The following ABCC5 variants were observed in gnomAD, a reference collection of about 807,000 sequenced individuals.
ABCC5 encodes the protein ATP binding cassette subfamily C member 5, also known as ATP-binding cassette sub-family C member 5.
A neutral mutation model predicts 160.9 loss-of-function variants in ABCC5; 61 were observed. The observed-to-expected ratio is 0.38, with a 90% CI of 0.31 to 0.47. The LOEUF (loss-of-function observed/expected upper bound fraction) is 0.47. ABCC5 is among the 20% of genes least tolerant of loss of function. ABCC5 has a pLI of 0.99. For missense variants in ABCC5, 1,308 were observed against 1,813.3 expected (o/e 0.72, Z 5.06); for synonymous variants, 666 against 700.6 (o/e 0.95, Z 0.78).
At chr3:183,975,657 T>A (rs921817028) in intron 10 of ABCC5, among the ~76,000 whole-genome samples, 1 of 152,020 alleles carries the variant, frequency 6.6e-6, no homozygotes, top group Admixed American at 6.6e-5. Flanking sequence ...ATACTTGTTA[T>A]CTTGTGCCAA....
chr3:183,953,669 G>T (rs1050796304), intron 17 of ABCC5, among the ~76,000 whole-genome samples: 4 of 152,186 alleles, frequency 2.6e-5, no homozygotes, highest in African/African-American at 9.7e-5. Flanking sequence ...GTGTGGGGTG[G>T]TTGGCAGGCA....
Position 183,949,920 on chromosome 3 carries a change from A to G in ABCC5, c.3099-39T>C. The G allele has an allele frequency of 6.2e-7, 1 of 1,614,020 alleles. No individual in the cohort carries two copies. The highest frequency in any genetic ancestry group is 8.5e-7 in the Non-Finnish European group (1 of 1,179,920). ...GAGCTCCGTGTCACAGCACCTACCCAGCAACTGAGGCTTCTCCGTGGCCCC... is the reference window on the plus strand; with the variant it reads ...GAGCTCCGTGTCACAGCACCTACCCGGCAACTGAGGCTTCTCCGTGGCCCC... On this transcript the variant is annotated intron_variant, in intron 21 of 29. Transcript: ENST00000334444. The surrounding 1 kb of genome is among the most constrained non-coding windows in gnomAD (Gnocchi z 4.2).
At chr3:183,946,064 G>A in intron 23 of ABCC5, 125 bp from the exon 24 acceptor site, 2 of 847,326 alleles carry the variant, frequency 2.4e-6, no homozygotes, top group South Asian at 1.4e-5. Context: ...TGGTCTTAGG[G>A]ACCTAGTCAT....
chr3:183,927,247 T>A, intron 28 of ABCC5, 83 bp downstream of exon 28: 1 of 1,373,788 alleles, frequency 7.3e-7, no homozygotes, highest in South Asian at 1.3e-5. Flanking sequence ...GAGCCAGGAA[T>A]ACCTTTGGAC....
intron 18 of ABCC5, 140 bp from the exon 19 acceptor site, chr3:183,952,143 T>TA: frequency 6.7e-5 from 28 of 415,546 alleles, no homozygotes; most frequent in Non-Finnish European, 8.6e-5. Flanking sequence ...TTTGTCCACC[T>TA]CTTTTTTTTT....
At chr3:184,016,234 T>C (rs1722181063) in intron 1 of ABCC5, among the ~76,000 whole-genome samples, 1 of 152,192 alleles carries the variant, frequency 6.6e-6, no homozygotes, top group African/African-American at 2.4e-5. Flanking sequence ...TGGTAGACAC[T>C]GCTAAACTAT....
rs763961658 is a variant in ABCC5, at chr3:183,961,537, A to T, written c.2353T>A (p.Leu785Met). The change falls in exon 16 of 30, where the codon TTG becomes ATG. Residue 785 changes from leucine (L) to methionine (M), a missense_variant. Physicochemically the swap from Leu to Met is conservative, Grantham distance 15. This residue lies in a region of ABCC5 where 1,142 missense variants were observed against 1,527.1 expected (regional missense o/e 0.75). Coordinates refer to ENST00000334444, the MANE Select transcript of ABCC5 (RefSeq NM_005688.4). ...TCAACTGGCGGTGTCTCTCCCAGCA[A>T]CAGGTTATTAAAAATGGTAGCATAG... is the stretch of plus-strand genomic sequence containing the variant. ...GDYATIFNNL[L>M]LGETPPVEIN... 2 of 1,614,206 alleles carry T rather than the reference A, an allele frequency of 1.2e-6. No homozygotes were observed. The highest frequency in any genetic ancestry group is 2.2e-5 in the South Asian group (2 of 91,082).
rs182101563 is a variant in ABCC5 at position 183,927,649 on chromosome 3, G to A, written c.3934-206C>T. 2.3e-5 allele frequency: 23 copies of A among 985,426 alleles called. No homozygotes were observed. In the East Asian group the frequency reaches 1.4e-3, roughly 58 times the overall value. The allele number at this position is 985,426 out of a possible 1,614,324, so 61.0% of individuals were successfully genotyped here. ...GTCCCTGATTCCAATAGACTATTCT[G>A]TTAGCTTTATACCATTAAAACATCC... On this transcript the variant is annotated intron_variant, in intron 27 of 29. Coordinates refer to ENST00000334444, the MANE Select transcript of ABCC5 (RefSeq NM_005688.4).
At chr3:183,940,724 T>C (rs578111894) in intron 25 of ABCC5, among the ~76,000 whole-genome samples, 92 of 152,250 alleles carry the variant, frequency 6.0e-4, no homozygotes, top group African/African-American at 2.2e-3. Flanking sequence ...ACTGATGGAA[T>C]GTGCTGGTAA....
chr3:183,934,706 G>A lies in ABCC5; in HGVS notation c.3854+3195C>T, dbSNP rs370564826. Among the ~76,000 whole-genome samples the A allele has an allele frequency of 3.9e-5, 6 of 152,218 alleles. 1 individual carries two copies. The highest frequency in any genetic ancestry group is 1.4e-4 in the African/African-American group (6 of 41,524). Reference sequence around the variant, plus strand: ...TTATATAATTTAAAAAAGCAGAGACGACGTCTCACGATGTTGCCCAGGGTG... The same window carrying A: ...TTATATAATTTAAAAAAGCAGAGACAACGTCTCACGATGTTGCCCAGGGTG... On this transcript the variant is annotated intron_variant, in intron 26 of 29. Transcript: ENST00000334444.
In ABCC5 at chr3:183,945,906, C is replaced by T. The variant is rs755404743; in HGVS notation, c.3448G>A (p.Ala1150Thr). The T allele has an allele frequency of 5.0e-6, 8 of 1,614,118 alleles. No homozygotes were observed. Among genetic ancestry groups the T allele is most frequent in the African/African-American group, 1.3e-5 (1 of 75,056 alleles). The change falls in exon 24 of 30, where the codon GCA becomes ACA. Residue 1150 changes from alanine (A) to threonine (T), a missense_variant. Physicochemically the swap from Ala to Thr is moderately conservative, Grantham distance 58. Transcript: ENST00000334444. ...TGLFQFTVRL[A>T]SETEARFTSV... ...GTGAATCGAGCTTCTGTCTCAGATGCCAGTCTGACCGTAAACTGGAACAGC... is the reference window on the plus strand; with the variant it reads ...GTGAATCGAGCTTCTGTCTCAGATGTCAGTCTGACCGTAAACTGGAACAGC...
At chr3:183,978,834 A>C (rs1289584211) in intron 8 of ABCC5, among the ~76,000 whole-genome samples, 183 bp from the exon 9 acceptor site, 1 of 152,218 alleles carries the variant, frequency 6.6e-6, no homozygotes, top group Admixed American at 6.5e-5. Context: ...ACAGGAATGA[A>C]TCTAACAGAA....
At position 183,971,889 on chromosome 3, in the gene ABCC5, T is replaced by A; in HGVS notation, c.1435A>T (p.Ile479Leu). The change falls in exon 11 of 30, where the codon ATA becomes TTA. Residue 479 changes from isoleucine to leucine, a missense_variant. This residue lies in a region of ABCC5 where 1,142 missense variants were observed against 1,527.1 expected (regional missense o/e 0.75). Transcript: ENST00000334444. The part of the protein sequence containing the change: ...SLFLMEEVHM[I>L]KNKPASPHIK... ...TGAGGACTGGCTGGTTTGTTCTTTA[T>A]CATGTGAACCTCTTCCATTAGAAAC... The A allele has an allele frequency of 2.5e-6, 4 of 1,614,150 alleles. No individual in the cohort carries two copies. The highest frequency in any genetic ancestry group is 3.4e-6 in the Non-Finnish European group (4 of 1,180,024).
In ABCC5 at chr3:183,954,197, G is replaced by A. The variant is rs967278284; in HGVS notation, c.2483-927C>T. Among the ~76,000 whole-genome samples the A allele has an allele frequency of 6.6e-5, 10 of 152,278 alleles. No homozygotes were observed. The East Asian group carries it at 1.7e-3, about 26-fold the overall frequency. On this transcript the variant is annotated intron_variant, in intron 17 of 29. Transcript: ENST00000334444. ...GAGTCTCACTCTGTCGCCCAGGCTG[G>A]AGTGCAGTGGCGTGATCTCAGCTCA...
intron 17 of ABCC5, among the ~76,000 whole-genome samples, chr3:183,956,559 T>C (rs1422344243): frequency 1.3e-5 from 2 of 150,152 alleles, no homozygotes; most frequent in African/African-American, 2.4e-5. Context: ...ATCGGTTACA[T>C]GCAGATCAGT....
rs1174204764 is a variant in ABCC5 at position 183,953,076 on chromosome 3, G to A, written c.2667+10C>T. 6.2e-7 allele frequency: 1 copy of A among 1,610,342 alleles called. No homozygotes were observed. Among genetic ancestry groups the A allele is most frequent in the Non-Finnish European group, 8.5e-7 (1 of 1,178,274 alleles). On this transcript the variant is annotated intron_variant, in intron 18 of 29. Transcript: ENST00000334444. ...AGACACAGAACTTTCCCATTTATGA[G>A]TAACCTTACCCCGCTTCCTTGCTTG... is the stretch of plus-strand genomic sequence containing the variant.
chr3:183,998,730 T>C (rs1720486022), intron 2 of ABCC5, among the ~76,000 whole-genome samples: 1 of 151,922 alleles, frequency 6.6e-6, no homozygotes, highest in African/African-American at 2.4e-5. Context: ...CTGTACAAAA[T>C]GATCCCAGGT....
chr3:184,016,145 G>C (rs1722173325), intron 1 of ABCC5, among the ~76,000 whole-genome samples: 1 of 152,182 alleles, frequency 6.6e-6, no homozygotes, highest in Admixed American at 6.5e-5. Context: ...TGGAGCACAG[G>C]AGCAGAGAGA....
rs372725976 is a variant in ABCC5, at chr3:183,967,776, G to A, written c.1762-10C>T. 1.9e-6 allele frequency: 3 copies of A among 1,609,172 alleles called. No homozygotes were observed. Among genetic ancestry groups the A allele is most frequent in the Non-Finnish European group, 2.6e-6 (3 of 1,175,840 alleles). ...TTCCAACCAGTTTACCCTGGACAAG[G>A]CACACAGAGAGGAGGGTCATTTAGA... On this transcript the variant is annotated splice_polypyrimidine_tract_variant and intron_variant, in intron 11 of 29. Coordinates refer to ENST00000334444, the MANE Select transcript of ABCC5 (RefSeq NM_005688.4).
Sources: gnomAD v4.1 joint callset for allele counts (sites outside exome capture counted in the v4.1 genomes callset) on GRCh38, gnomAD v4.1.1 for gene constraint, gnomAD v4.1.1 regional missense constraint, Gnocchi (gnomAD v3.1) non-coding constraint, MANE v1.5 for transcripts, NCBI Gene and HGNC (gene_info 2026-07-23, HGNC 2026-07-21) for gene names.